Variants in LRRC8C observed in about 807,000 individuals in gnomAD.
LRRC8C encodes volume-regulated anion channel subunit LRRC8C.
A neutral mutation model predicts 55.3 loss-of-function variants in LRRC8C; 20 were observed. The observed-to-expected ratio is 0.36, with a 90% CI of 0.25 to 0.53. The LOEUF (loss-of-function observed/expected upper bound fraction) is 0.53. LRRC8C is among the 20% of genes least tolerant of loss of function. The pLI, the probability that LRRC8C is intolerant of heterozygous loss-of-function variation, is 0.92. For missense variants in LRRC8C, 659 were observed against 951.4 expected, an observed-to-expected ratio of 0.69 and a Z score of 4.04; for synonymous variants, 376 against 360.7, an observed-to-expected ratio of 1.04 and a Z score of -0.48.
intron 1 of LRRC8C, among the ~76,000 whole-genome samples, chr1:89,648,801 G>A (rs1223893886): frequency 6.6e-6 from 1 of 152,110 alleles, no homozygotes; most frequent in African/African-American, 2.4e-5. Context: ...CAATAGATTT[G>A]CCTATTCTGG....
At chr1:89,632,417 G>C (rs1656131427), upstream of LRRC8C, among the ~76,000 whole-genome samples, 1 of 152,214 alleles carries the variant, frequency 6.6e-6, no homozygotes, top group African/African-American at 2.4e-5. Flanking sequence ...TGCAGTTGGG[G>C]ATTCCGGCCT....
chr1:89,641,619 C>T (rs1656458058), intron 1 of LRRC8C, among the ~76,000 whole-genome samples: 1 of 152,006 alleles, frequency 6.6e-6, no homozygotes, highest in Non-Finnish European at 1.5e-5. Context: ...TCAAGGAAGT[C>T]TATCCATCTC....
chr1:89,618,082 C>CA, the LRRC8C span, among the ~76,000 whole-genome samples: 1 of 152,146 alleles, frequency 6.6e-6, no homozygotes, highest in Non-Finnish European at 1.5e-5. Flanking sequence ...TGATTAAACT[C>CA]AGTCTCCAGC....
chr1:89,681,639 G>T (rs973510236), intron 1 of LRRC8C, among the ~76,000 whole-genome samples: 1 of 152,094 alleles, frequency 6.6e-6, no homozygotes, highest in Non-Finnish European at 1.5e-5. Context: ...CAGGAGAACT[G>T]CCCTTTATAA....
chr1:89,692,417 T>C (rs1277880478), intron 2 of LRRC8C, among the ~76,000 whole-genome samples: 1 of 152,232 alleles, frequency 6.6e-6, no homozygotes, highest in Non-Finnish European at 1.5e-5. Context: ...ACAGTTGATA[T>C]CTGTTTACTC....
At chr1:89,681,172 C>T (rs138494604) in intron 1 of LRRC8C, among the ~76,000 whole-genome samples, 14 of 152,206 alleles carry the variant, frequency 9.2e-5, no homozygotes, top group African/African-American at 3.1e-4. Flanking sequence ...GAAATGATAA[C>T]TCTTGAAATT....
Position 89,712,671 on chromosome 1 carries a change from G to A in LRRC8C, c.139-38G>A, listed in dbSNP as rs765128483. ...AGTAATGACATTATGAAAGCTCTTT[G>A]AGTAATATAATTTGAAAATATTATT... On this transcript the variant is annotated intron_variant, in intron 2 of 2. Transcript: ENST00000370454. 4.1e-6 allele frequency: 6 copies of A among 1,462,088 alleles called. No individual in the cohort carries two copies. In the African/African-American group the frequency reaches 8.4e-5, roughly 20 times the overall value. 90.6% of individuals were successfully genotyped at this position (1,462,088 alleles called of 1,614,324 possible).
At chr1:89,683,423 T>A (rs925329933) in intron 1 of LRRC8C, among the ~76,000 whole-genome samples, 7 of 150,532 alleles carry the variant, frequency 4.7e-5, no homozygotes, top group Non-Finnish European at 1.0e-4. Context: ...AGTGGTGCGA[T>A]CTCGGCTCAC....
intron 2 of LRRC8C, among the ~76,000 whole-genome samples, chr1:89,709,632 T>G (rs1337491067): frequency 6.6e-6 from 1 of 152,188 alleles, no homozygotes; most frequent in Non-Finnish European, 1.5e-5. Flanking sequence ...TTGGTTGCTT[T>G]GCAGGGACTT....
intron 1 of LRRC8C, among the ~76,000 whole-genome samples, chr1:89,650,367 A>G (rs961894836): frequency 1.1e-4 from 16 of 152,246 alleles, no homozygotes; most frequent in African/African-American, 3.6e-4. Context: ...AAGGAATGTT[A>G]GAATAACATT....
chr1:89,713,129 G>T lies in LRRC8C; in HGVS notation c.559G>T (p.Asp187Tyr). The change falls in exon 3 of 3, where the codon GAC becomes TAC. Residue 187 changes from aspartate (D) to tyrosine (Y), a missense_variant. Coordinates refer to ENST00000370454, the MANE Select transcript of LRRC8C (RefSeq NM_032270.5). The surrounding 1 kb of genome is among the most constrained non-coding windows in gnomAD (Gnocchi z 5.2). ...EVSGEDSEEK[D>Y]NRKNNMNRSN... ...GTCTGGGGAGGACTCAGAAGAAAAG[G>T]ACAACAGGAAGAACAACATGAACAG... The T allele has an allele frequency of 6.2e-7, 1 of 1,613,882 alleles. No individual in the cohort carries two copies.
In LRRC8C at chr1:89,650,261, A is replaced by G. The variant is rs567874190; in HGVS notation, c.-5+16939A>G. 3.3e-5 allele frequency among the ~76,000 whole-genome samples: 5 copies of G among 152,224 alleles called. No homozygotes were observed. The South Asian group carries it at 1.0e-3, about 32-fold the overall frequency. On this transcript the variant is annotated intron_variant, in intron 1 of 2. Transcript: ENST00000370454. The stretch of plus-strand genomic sequence containing the variant: ...AAAAAGTTAAACATGACTCTTAAAT[A>G]TAGAATGAACAGTCAAAGATTTATT...
intron 1 of LRRC8C, among the ~76,000 whole-genome samples, chr1:89,666,994 G>A (rs1407676379): frequency 6.6e-6 from 1 of 152,112 alleles, no homozygotes; most frequent in Non-Finnish European, 1.5e-5. Flanking sequence ...GTGCTGGGAT[G>A]GCATGCTCTT....
At chr1:89,628,447 T>C (rs1352996284), upstream of LRRC8C, among the ~76,000 whole-genome samples, 1 of 152,204 alleles carries the variant, frequency 6.6e-6, no homozygotes, top group African/African-American at 2.4e-5. Flanking sequence ...TGGAGTGCAA[T>C]GTCCTGATCA....
chr1:89,635,879 T>G (rs1015290840), intron 1 of LRRC8C, among the ~76,000 whole-genome samples: 1 of 152,204 alleles, frequency 6.6e-6, no homozygotes, highest in Non-Finnish European at 1.5e-5. Context: ...GATTTTATAC[T>G]TCATTTCTGG....
chr1:89,682,164 G>T (rs1183149167), intron 1 of LRRC8C, among the ~76,000 whole-genome samples: 1 of 152,270 alleles, frequency 6.6e-6, no homozygotes, highest in African/African-American at 2.4e-5. Flanking sequence ...GCGACAGAGC[G>T]AGACTCTGTC....
intron 1 of LRRC8C, chr1:89,676,309 TCAACA>T (rs1657546161): frequency 6.6e-6 from 1 of 152,224 alleles, no homozygotes; most frequent in African/African-American, 2.4e-5. Context: ...ACATTACTGA[TCAACA>T]CATCCTGTTT....
At chr1:89,700,497 A>C (rs1658288676) in intron 2 of LRRC8C, among the ~76,000 whole-genome samples, 1 of 152,346 alleles carries the variant, frequency 6.6e-6, no homozygotes, top group Middle Eastern at 3.4e-3. Context: ...TTTCAACGGC[A>C]AAAACCACAA....
chr1:89,656,870 G>A (rs1557650928), intron 1 of LRRC8C, among the ~76,000 whole-genome samples: 1 of 152,072 alleles, frequency 6.6e-6, no homozygotes. Flanking sequence ...GTTCTAAAAA[G>A]CAAGAAGTCT....
Sources: gnomAD v4.1 joint callset for allele counts (sites outside exome capture counted in the v4.1 genomes callset) on GRCh38, gnomAD v4.1.1 for gene constraint, Gnocchi (gnomAD v3.1) non-coding constraint, MANE v1.5 for transcripts, NCBI Gene and HGNC (gene_info 2026-07-23, HGNC 2026-07-21) for gene names.